The following EPC1 variants were observed in gnomAD, a reference collection of about 807,000 sequenced individuals.
EPC1 encodes the protein enhancer of polycomb 1.
EPC1 carries 12 observed loss-of-function variants against 98.4 expected under a neutral mutation model. The ratio of observed to expected loss-of-function variants is 0.12; its 90% CI spans 0.08 to 0.20. The LOEUF is 0.20. Among genes scored for constraint, EPC1 ranks in the 10% least tolerant of loss-of-function variants. The pLI, the probability that EPC1 is intolerant of heterozygous loss-of-function variation, is 1.00. For missense variants in EPC1, 729 were observed against 990.5 expected (o/e 0.74, Z 3.54); for synonymous variants, 357 against 363.9 (o/e 0.98, Z 0.21).
In EPC1 at chr10:32,271,562, T is replaced by C; in HGVS notation, c.2361A>G (p.Ser787=). 6.2e-7 allele frequency: 1 copy of C among 1,613,326 alleles called. No individual in the cohort carries two copies. The highest frequency in any genetic ancestry group is 8.5e-7 in the Non-Finnish European group (1 of 1,179,312). The stretch of plus-strand genomic sequence containing the variant: ...CAAAAATAACTACTCACCTTGGAAC[T>C]GAATCTACAGAGGATGAAGATGGGA... ...SKVPSSSSVD[S]VPRENHESEK... Residue 787 remains serine, a synonymous_variant, in exon 13 of 14, where the codon TCA becomes TCG. Coordinates refer to ENST00000319778, the MANE Select transcript of EPC1 (RefSeq NM_001272004.3).
At chr10:32,348,590 T>TA (rs1839006870), upstream of EPC1, among the ~76,000 whole-genome samples, 1 of 152,318 alleles carries the variant, frequency 6.6e-6, no homozygotes, top group African/African-American at 2.4e-5. Flanking sequence ...AAATTATACT[T>TA]AAACTCCGAT....
intron 1 of EPC1, among the ~76,000 whole-genome samples, chr10:32,354,140 A>G (rs561753084): frequency 1.3e-5 from 2 of 152,380 alleles, no homozygotes; most frequent in East Asian, 3.9e-4. Flanking sequence ...GAATATATTT[A>G]GAAACAATAT....
chr10:32,347,956 T>C (rs1838966843), upstream of EPC1, among the ~76,000 whole-genome samples: 1 of 152,232 alleles, frequency 6.6e-6, no homozygotes, highest in South Asian at 2.1e-4. Context: ...ACTTTTTAAA[T>C]AGTAACTGAA....
upstream of EPC1, chr10:32,347,293 C>T (rs1172141602): frequency 2.3e-5 from 19 of 824,332 alleles, no homozygotes; most frequent in Non-Finnish European, 2.9e-5. Context: ...CCGGCACCCG[C>T]CGGCCTCGCT....
At chr10:32,330,124 G>C (rs1314278053) in intron 1 of EPC1, among the ~76,000 whole-genome samples, 4 of 152,178 alleles carry the variant, frequency 2.6e-5, no homozygotes, top group African/African-American at 7.2e-5. Context: ...TAGGTTTTTA[G>C]CAAGAGTGAC....
intron 1 of EPC1, among the ~76,000 whole-genome samples, chr10:32,362,724 C>T (rs1304891969): frequency 6.6e-6 from 1 of 152,120 alleles, no homozygotes; most frequent in Admixed American, 6.5e-5. Flanking sequence ...GTTTTTGGCC[C>T]ACGAAGATGC....
chr10:32,308,048 C>G (rs1835976486), intron 1 of EPC1, among the ~76,000 whole-genome samples: 1 of 152,176 alleles, frequency 6.6e-6, no homozygotes, highest in East Asian at 1.9e-4. Context: ...GTTCTGATAT[C>G]TGGCACCTGG....
chr10:32,336,476 T>C (rs184755220), intron 1 of EPC1, among the ~76,000 whole-genome samples: 1 of 152,308 alleles, frequency 6.6e-6, no homozygotes, highest in East Asian at 1.9e-4. Context: ...GGAACTCAAG[T>C]GAATGCTACT....
intron 1 of EPC1, among the ~76,000 whole-genome samples, chr10:32,317,957 T>C (rs1395424056): frequency 6.6e-6 from 1 of 152,192 alleles, no homozygotes; most frequent in African/African-American, 2.4e-5. Context: ...TAAAGTCAAG[T>C]GACTGAGTAG....
At chr10:32,326,406 T>A (rs1592600389) in intron 1 of EPC1, among the ~76,000 whole-genome samples, 3 of 152,160 alleles carry the variant, frequency 2.0e-5, no homozygotes, top group Non-Finnish European at 2.9e-5. Context: ...TTTACTGCTG[T>A]ATCACCCTGG....
At position 32,378,678 on chromosome 10, in the gene EPC1, A is replaced by G. The variant is rs1470476016; in HGVS notation, c.-185T>C. ...GTGGCCGAATGGGGTGGCTTCCCCC[A>G]GGATCTGTGGGCTTTTGGGGGAAAT... On this transcript the variant is annotated 5_prime_UTR_variant, in exon 1 of 14. Coordinates refer to the EPC1 transcript ENST00000375110. 3 of 484,614 alleles carry G rather than the reference A, an allele frequency of 6.2e-6. No individual in the cohort carries two copies. The South Asian group carries it at 1.2e-4, about 19-fold the overall frequency. 30.0% of individuals were successfully genotyped at this position (484,614 alleles called of 1,614,324 possible). A position where few individuals can be genotyped will look rare whatever the true frequency, so the allele number is the denominator to read the frequency against.
chr10:32,283,750 G>C (rs915529159), intron 10 of EPC1: 1 of 152,126 alleles, frequency 6.6e-6, no homozygotes, highest in Non-Finnish European at 1.5e-5. Flanking sequence ...GGTAATTCTG[G>C]TCAGGAGCAG....
At chr10:32,365,886 C>T (rs935006307) in intron 1 of EPC1, among the ~76,000 whole-genome samples, 32 of 141,398 alleles carry the variant, frequency 2.3e-4, no homozygotes, top group African/African-American at 8.0e-4. Flanking sequence ...GTAATCCCAG[C>T]GCTTTGGGGG....
At chr10:32,292,780 G>A in intron 4 of EPC1, 136 bp from the exon 5 acceptor site, 1 of 912,400 alleles carries the variant, frequency 1.1e-6, no homozygotes, top group Non-Finnish European at 1.6e-6. Flanking sequence ...AGATCACCAG[G>A]AAATCAATTT....
rs761418999 is a variant in EPC1 at position 32,286,986 on chromosome 10, T to A, written c.1182A>T (p.Glu394Asp). 1 of 1,614,186 alleles carries A rather than the reference T, an allele frequency of 6.2e-7. No homozygotes were observed. The change falls in exon 8 of 14, where the codon GAA becomes GAT. Residue 394 changes from glutamate to aspartate, a missense_variant. By Grantham distance (45) the Glu-to-Asp change is conservative. Around this residue, in one of 6 missense-constraint regions of EPC1, gnomAD observed 390 missense variants for 438.6 expected, o/e 0.89. Coordinates refer to ENST00000319778, the MANE Select transcript of EPC1 (RefSeq NM_001272004.3). ...CAAAAGGACCATCAGGATCATTGTC[T>A]TCCTCAGCTTCCGAAGAGCCAGACA... ...QVLSGSSEAE[E>D]DNDPDGPFAF...
At chr10:32,373,873 A>T (rs1440500014) in intron 1 of EPC1, among the ~76,000 whole-genome samples, 2 of 152,212 alleles carry the variant, frequency 1.3e-5, no homozygotes, top group Non-Finnish European at 2.9e-5. Flanking sequence ...TTTAGTTGAA[A>T]AACTAATGTC....
At position 32,286,678 on chromosome 10, in the gene EPC1, T is replaced by TA. The variant is rs1250542295; in HGVS notation, c.1391+15dup. On this transcript the variant is annotated intron_variant, in intron 9 of 13. Transcript: ENST00000319778. ...GCCTAAAATATCCTTCTGCTAGGAA[T>TA]ACAGAAATACCTTACCTTCCACCGC... 1 of 1,613,112 alleles carries TA rather than the reference T, an allele frequency of 6.2e-7. No individual in the cohort carries two copies.
chr10:32,278,267 C>T (rs1445225045), intron 10 of EPC1, among the ~76,000 whole-genome samples: 1 of 151,966 alleles, frequency 6.6e-6, no homozygotes, highest in Non-Finnish European at 1.5e-5. Context: ...GTCTTGAACT[C>T]CTGCCCTCAA....
chr10:32,319,435 C>G (rs1045935698), intron 1 of EPC1, among the ~76,000 whole-genome samples: 4 of 152,214 alleles, frequency 2.6e-5, no homozygotes, highest in South Asian at 2.1e-4. Context: ...GAAACTGGAC[C>G]ATACTTTCAC....
Sources: gnomAD v4.1 joint callset for allele counts (sites outside exome capture counted in the v4.1 genomes callset) on GRCh38, gnomAD v4.1.1 for gene constraint, gnomAD v4.1.1 regional missense constraint, MANE v1.5 for transcripts, NCBI Gene and HGNC (gene_info 2026-07-23, HGNC 2026-07-21) for gene names.